Variants in DIAPH1 observed in about 807,000 individuals in gnomAD.
DIAPH1 encodes protein diaphanous homolog 1.
DIAPH1 carries 46 observed loss-of-function variants against 140.7 expected under a neutral mutation model. The ratio of observed to expected loss-of-function variants is 0.33; its 90% CI spans 0.26 to 0.42. The LOEUF is 0.42. Ranked by LOEUF, DIAPH1 falls within the 10% of genes least tolerant of loss-of-function variation. DIAPH1 has a pLI of 1.00. For synonymous variants in DIAPH1, 565 were observed against 551.6 expected (o/e 1.02, Z -0.34); for missense variants, 1,310 against 1,558.7 (o/e 0.84, Z 2.69).
rs368833125 is a variant in DIAPH1, at chr5:141,614,761, T to C, written c.117+4037A>G. Reference sequence around the variant, plus strand: ...ATCTCAAACATCTCACTAACGTTCCTGTAGGCTCCCCTCCCTCTTTCCAAA... The same window carrying C: ...ATCTCAAACATCTCACTAACGTTCCCGTAGGCTCCCCTCCCTCTTTCCAAA... On this transcript the variant is annotated intron_variant, in intron 1 of 27. Coordinates refer to ENST00000389054, the MANE Select transcript of DIAPH1 (RefSeq NM_005219.5). 5.0e-4 allele frequency among the ~76,000 whole-genome samples: 76 copies of C among 152,166 alleles called. 1 individual carries two copies. In the South Asian group the frequency reaches 0.015, roughly 30 times the overall value.
chr5:141,609,449 G>A (rs1023291900), intron 1 of DIAPH1, among the ~76,000 whole-genome samples: 1 of 152,168 alleles, frequency 6.6e-6, no homozygotes, highest in Non-Finnish European at 1.5e-5. Flanking sequence ...AATCAGCTAG[G>A]CCTAGGTTTG....
intron 18 of DIAPH1, among the ~76,000 whole-genome samples, chr5:141,568,748 T>C (rs971942271): frequency 1.3e-5 from 2 of 152,114 alleles, no homozygotes; most frequent in Non-Finnish European, 2.9e-5. Context: ...AGGTTTTAGG[T>C]ATCAATAAAA....
chr5:141,561,365 T>C (rs2099893499), intron 18 of DIAPH1, among the ~76,000 whole-genome samples: 1 of 136,212 alleles, frequency 7.3e-6, no homozygotes, highest in African/African-American at 2.8e-5. Flanking sequence ...AAGAGTTTTG[T>C]TTTTTTTTTT....
intron 18 of DIAPH1, among the ~76,000 whole-genome samples, chr5:141,551,098 G>A (rs1038711785): frequency 6.6e-6 from 1 of 152,112 alleles, no homozygotes; most frequent in African/African-American, 2.4e-5. Flanking sequence ...TAACAGTATT[G>A]CACTTATGTT....
chr5:141,561,077 G>A (rs1483671784), intron 18 of DIAPH1, among the ~76,000 whole-genome samples: 2 of 151,852 alleles, frequency 1.3e-5, no homozygotes, highest in East Asian at 1.9e-4. Context: ...CCCCGTGGCC[G>A]AAAAGAAAAA....
rs373320373 is a variant in DIAPH1 at position 141,583,162 on chromosome 5, T to C, written c.620+44A>G. On this transcript the variant is annotated intron_variant, in intron 6 of 27. Transcript: ENST00000389054. Reference sequence around the variant, plus strand: ...CTTCAGAGCAAATAGCCAAGTCCCCTGTGACTCTCCAACTTGAAGTTGCAA... The same window carrying C: ...CTTCAGAGCAAATAGCCAAGTCCCCCGTGACTCTCCAACTTGAAGTTGCAA... The C allele has an allele frequency of 1.3e-4, 208 of 1,542,122 alleles. No homozygotes were observed. The African/African-American group carries it at 2.7e-3, about 20-fold the overall frequency.
At chr5:141,553,173 C>T (rs954707156) in intron 18 of DIAPH1, among the ~76,000 whole-genome samples, 1 of 152,068 alleles carries the variant, frequency 6.6e-6, no homozygotes, top group African/African-American at 2.4e-5. Flanking sequence ...ACGCCTGTAA[C>T]CCCAGCTACC....
intron 18 of DIAPH1, among the ~76,000 whole-genome samples, chr5:141,567,422 C>T (rs2099894545): frequency 6.6e-6 from 1 of 152,020 alleles, no homozygotes; most frequent in African/African-American, 2.4e-5. Context: ...ATAGAACTTC[C>T]CAATTTCTTT....
At chr5:141,560,125 C>T (rs562380137) in intron 18 of DIAPH1, among the ~76,000 whole-genome samples, 1 of 152,184 alleles carries the variant, frequency 6.6e-6, no homozygotes, top group Non-Finnish European at 1.5e-5. Flanking sequence ...TTGTATAGTT[C>T]ATTTGGATCA....
chr5:141,579,851 G>A (rs577484501), intron 8 of DIAPH1, among the ~76,000 whole-genome samples: 1 of 152,060 alleles, frequency 6.6e-6, no homozygotes, highest in African/African-American at 2.4e-5. Context: ...GGGAGGCTGA[G>A]GAAGGAGAAT....
At chr5:141,592,549 GC>G in intron 1 of DIAPH1, among the ~76,000 whole-genome samples, 1 of 152,232 alleles carries the variant, frequency 6.6e-6, no homozygotes, top group South Asian at 2.1e-4. Context: ...GGAGATAAAT[GC>G]TACTGGAGCT....
Position 141,526,068 on chromosome 5 carries a change from T to C in DIAPH1, c.3544A>G (p.Lys1182Glu). Residue 1182 changes from lysine to glutamate, a missense_variant, in exon 26 of 28, where the codon AAG becomes GAG. Physicochemically the swap from Lys to Glu is moderately conservative, Grantham distance 56. Coordinates refer to ENST00000389054, the MANE Select transcript of DIAPH1 (RefSeq NM_005219.5). Reference protein sequence around the residue: ...AEKERLEKQQKREQLIDMNAE... With the variant: ...AEKERLEKQQEREQLIDMNAE... ...TTCATGTCTATGAGTTGCTCTCTCT[T>C]CTGCTGCTTCTCTAGCCGCTCCTTC... The C allele has an allele frequency of 6.2e-7, 1 of 1,614,108 alleles. No homozygotes were observed. The highest frequency in any genetic ancestry group is 8.5e-7 in the Non-Finnish European group (1 of 1,180,024).
At chr5:141,595,893 A>C (rs935102075) in intron 1 of DIAPH1, among the ~76,000 whole-genome samples, 4 of 152,208 alleles carry the variant, frequency 2.6e-5, no homozygotes, top group African/African-American at 9.7e-5. Flanking sequence ...GCTTAAAAAA[A>C]TTTTTAGGGA....
chr5:141,569,906 A>C (rs2154596148), intron 18 of DIAPH1, among the ~76,000 whole-genome samples: 1 of 152,294 alleles, frequency 6.6e-6, no homozygotes, highest in Admixed American at 6.5e-5. Context: ...GAGTGCTTGC[A>C]ATTTTTGAGA....
rs746419756 is a variant in DIAPH1 at position 141,574,197 on chromosome 5, C to G, written c.1653G>C (p.Leu551=). Residue 551 remains leucine, a synonymous_variant, in exon 16 of 28, where the codon CTG becomes CTC. Coordinates refer to ENST00000389054, the MANE Select transcript of DIAPH1 (RefSeq NM_005219.5). The part of the protein sequence containing the change: ...VSQLTGEVAK[L]TKELEDAKKE... ...TCTTGGCATCTTCCAGTTCCTTTGT[C>G]AGCTTGGCAACCTACAGAAATAACA... The G allele has an allele frequency of 1.3e-5, 21 of 1,613,964 alleles. No individual in the cohort carries two copies. Among genetic ancestry groups the G allele is most frequent in the Non-Finnish European group, 1.7e-5 (20 of 1,180,026 alleles).
chr5:141,612,155 C>T (rs1169445162), intron 1 of DIAPH1, among the ~76,000 whole-genome samples: 1 of 152,196 alleles, frequency 6.6e-6, no homozygotes, highest in Non-Finnish European at 1.5e-5. Context: ...TAAGACTGAT[C>T]ATACTAACAG....
intron 18 of DIAPH1, among the ~76,000 whole-genome samples, chr5:141,543,201 G>A (rs2154595433): frequency 6.6e-6 from 1 of 152,184 alleles, no homozygotes; most frequent in African/African-American, 2.4e-5. Context: ...AAGGAATGAA[G>A]TGCTAATACA....
rs1401900425 is a variant in DIAPH1 at position 141,565,786 on chromosome 5, T to C, written c.2482+5642A>G. 6.6e-6 allele frequency among the ~76,000 whole-genome samples: 1 copy of C among 152,256 alleles called. No individual in the cohort carries two copies. Among genetic ancestry groups the C allele is most frequent in the Admixed American group, 6.5e-5 (1 of 15,288 alleles). ...TCAAGGGCCAAGCAACTTCACAAAT[T>C]AAGCAGAGGAGAGTTGGGAGAAAGA... On this transcript the variant is annotated intron_variant, in intron 18 of 27. Coordinates refer to ENST00000389054, the MANE Select transcript of DIAPH1 (RefSeq NM_005219.5). This position sits in a 1 kb window ranked among gnomAD's most constrained non-coding sequence, Gnocchi z 4.3.
intron 18 of DIAPH1, among the ~76,000 whole-genome samples, chr5:141,559,294 T>C (rs2099893163): frequency 6.6e-6 from 1 of 152,176 alleles, no homozygotes; most frequent in African/African-American, 2.4e-5. Context: ...AGGTATACAT[T>C]ATAGAAGGAA....
Sources: gnomAD v4.1 joint callset for allele counts (sites outside exome capture counted in the v4.1 genomes callset) on GRCh38, gnomAD v4.1.1 for gene constraint, Gnocchi (gnomAD v3.1) non-coding constraint, MANE v1.5 for transcripts, NCBI Gene and HGNC (gene_info 2026-07-23, HGNC 2026-07-21) for gene names.